Variants in SLC23A3 observed in about 807,000 individuals in gnomAD.
The protein encoded by SLC23A3 is E2-binding protein 3.
A neutral mutation model predicts 64.7 loss-of-function variants in SLC23A3; 41 were observed. That is an observed-to-expected ratio of 0.63 (90% CI 0.49 to 0.82). The LOEUF is 0.82. Ranked by LOEUF, SLC23A3 falls within the 40% of genes least tolerant of loss-of-function variation. The pLI is 0.00. For missense variants in SLC23A3, 647 were observed against 733.4 expected (o/e 0.88, Z 1.36); for synonymous variants, 281 against 306.8 (o/e 0.92, Z 0.88).
In SLC23A3 at chr2:219,167,994, G is replaced by T. The variant is rs1574761231; in HGVS notation, c.849C>A (p.Phe283Leu). ...CAGACAGTTCCTGGGGGATAACACT[G>T]AATCCCACAAAGGCAGAAACAATCC... Reference protein sequence around the residue: ...CVWIVSAFVGFSVIPQELSAP... With the variant: ...CVWIVSAFVGLSVIPQELSAP... The change falls in exon 7 of 12, where the codon TTC (phenylalanine) becomes TTA (leucine). Residue 283 changes from phenylalanine to leucine, a missense_variant. Phe to Leu is a conservative substitution (Grantham distance 22). Coordinates refer to ENST00000409878, the MANE Select transcript of SLC23A3 (RefSeq NM_001144889.2). The T allele has an allele frequency of 6.3e-7, 1 of 1,590,464 alleles. No homozygotes were observed. The highest frequency in any genetic ancestry group is 8.5e-7 in the Non-Finnish European group (1 of 1,173,762).
At chr2:219,163,120 A>C (rs576280250) in intron 10 of SLC23A3, among the ~76,000 whole-genome samples, 5 of 152,376 alleles carry the variant, frequency 3.3e-5, no homozygotes, top group Admixed American at 2.0e-4. Context: ...AACAGAAGCT[A>C]TCTCTCTTGC....
Position 219,164,354 on chromosome 2 carries a change from A to G in SLC23A3, c.1168-16T>C. On this transcript the variant is annotated splice_polypyrimidine_tract_variant and intron_variant, in intron 8 of 11. Coordinates refer to ENST00000409878, the MANE Select transcript of SLC23A3 (RefSeq NM_001144889.2). ...GAGATCCAGCCTGCATGAAGAAAAG[A>G]CACTGGAAAACACAGCCACTTCCTC... is the stretch of plus-strand genomic sequence containing the variant. 6.6e-7 allele frequency: 1 copy of G among 1,516,000 alleles called. No homozygotes were observed. The highest frequency in any genetic ancestry group is 9.0e-7 in the Non-Finnish European group (1 of 1,109,194). The allele number at this position is 1,516,000 out of a possible 1,614,324, so 93.9% of individuals were successfully genotyped here. A position where few individuals can be genotyped will look rare whatever the true frequency, so the allele number is the denominator to read the frequency against.
rs1559207825 is a variant in SLC23A3 at position 219,162,406 on chromosome 2, T to TG, written c.1442-13dup. 1.2e-6 allele frequency: 2 copies of TG among 1,607,154 alleles called. No homozygotes were observed. Among genetic ancestry groups the TG allele is most frequent in the Non-Finnish European group, 8.5e-7 (1 of 1,174,432 alleles). Reference sequence around the variant, plus strand: ...CAAGGGGCTCCAGCCTATGAAGAGTTGGGGCCAGGCAGGAAGGGAACTCTG... The same window carrying TG: ...CAAGGGGCTCCAGCCTATGAAGAGTTGGGGGCCAGGCAGGAAGGGAACTCTG... On this transcript the variant is annotated splice_polypyrimidine_tract_variant and intron_variant, in intron 10 of 11. Coordinates refer to ENST00000409878, the MANE Select transcript of SLC23A3 (RefSeq NM_001144889.2).
rs184766664 is a variant in SLC23A3, at chr2:219,163,693, T to G, written c.1274-138A>C. Reference sequence around the variant, plus strand: ...ATGATTTTTGTTTTTTTTGTTTTTTTGTTTTTTTGGTTTTTTTTTGAGAGC... The same window carrying G: ...ATGATTTTTGTTTTTTTTGTTTTTTGGTTTTTTTGGTTTTTTTTTGAGAGC... On this transcript the variant is annotated intron_variant, in intron 9 of 11. Transcript: ENST00000409878. 3.3e-4 allele frequency: 317 copies of G among 954,108 alleles called. No individual in the cohort carries two copies. The African/African-American group carries it at 4.7e-3, about 14-fold the overall frequency. 59.1% of individuals were successfully genotyped at this position (954,108 alleles called of 1,614,324 possible). A position where few individuals can be genotyped will look rare whatever the true frequency, so the allele number is the denominator to read the frequency against.
In SLC23A3 at chr2:219,165,257, C is replaced by T. The variant is rs990797551; in HGVS notation, c.1079G>A (p.Gly360Glu). 6.4e-7 allele frequency: 1 copy of T among 1,551,660 alleles called. No homozygotes were observed. Among genetic ancestry groups the T allele is most frequent in the Non-Finnish European group, 8.7e-7 (1 of 1,147,022 alleles). The change falls in exon 8 of 12, where the codon GGG becomes GAG. Residue 360 changes from glycine (G) to glutamate (E), a missense_variant. By Grantham distance (98) the Gly-to-Glu change is moderately conservative (BLOSUM62 -2). Coordinates refer to ENST00000409878, the MANE Select transcript of SLC23A3 (RefSeq NM_001144889.2). ...CAGCCCGGCCAGCACACTGCCCAGC[C>T]CCTCCAGGCTCAGCCCTCGACTGCA... Reference protein sequence around the residue: ...HACSRGLSLEGLGSVLAGLLG... With the variant: ...HACSRGLSLEELGSVLAGLLG...
intron 9 of SLC23A3, among the ~76,000 whole-genome samples, chr2:219,163,994 G>A (rs1262805544): frequency 2.0e-5 from 3 of 152,184 alleles, no homozygotes; most frequent in African/African-American, 7.2e-5. Context: ...GGGCCACCAC[G>A]CCCAGCCTGA....
intron 7 of SLC23A3, among the ~76,000 whole-genome samples, chr2:219,166,402 G>T (rs530584520): frequency 1.3e-5 from 2 of 152,178 alleles, no homozygotes; most frequent in South Asian, 4.2e-4. Flanking sequence ...TCACTATGTT[G>T]CCCAGGCTGG....
rs369924092 is a variant in SLC23A3, at chr2:219,164,236, C to A, written c.1270G>T (p.Val424Phe). ...CCCTGTTGATACATCCACTCACCAA[C>A]AACAGGCAGTGGGATGGTGGTGAGG... ...QLLTTIPLPV[V>F]GGVLGVTQAV... Residue 424 changes from valine (V) to phenylalanine (F), a missense_variant, in exon 9 of 12, where the codon GTT becomes TTT. Transcript: ENST00000409878. 8 of 1,605,256 alleles carry A rather than the reference C, an allele frequency of 5.0e-6. No individual in the cohort carries two copies. Among genetic ancestry groups the A allele is most frequent in the Middle Eastern group, 1.7e-4 (1 of 6,058 alleles).
Position 219,165,390 on chromosome 2 carries a change from C to T in SLC23A3, c.946G>A (p.Ala316Thr), listed in dbSNP as rs755342524. The change falls in exon 8 of 12, where the codon GCT becomes ACT. Residue 316 changes from alanine (A) to threonine (T), a missense_variant. Transcript: ENST00000409878. ...EWNWPLLTPR[A>T]LAAGISMALA... The stretch of plus-strand genomic sequence containing the variant: ...GCCATGGAGATGCCTGCAGCCAGAG[C>T]TCTGGGCGTCAGCAAAGGCCAATTC... The T allele has an allele frequency of 1.3e-6, 2 of 1,550,958 alleles. No homozygotes were observed. Among genetic ancestry groups the T allele is most frequent in the South Asian group, 2.4e-5 (2 of 84,014 alleles).
In SLC23A3 at chr2:219,161,851, ACT is replaced by A; in HGVS notation, c.*56_*57del. The A allele has an allele frequency of 3.3e-6, 5 of 1,496,632 alleles. No individual in the cohort carries two copies. Among genetic ancestry groups the A allele is most frequent in the Non-Finnish European group, 4.5e-6 (5 of 1,116,468 alleles). 92.7% of individuals were successfully genotyped at this position (1,496,632 alleles called of 1,614,324 possible). A position where few individuals can be genotyped will look rare whatever the true frequency, so the allele number is the denominator to read the frequency against. On this transcript the variant is annotated 3_prime_UTR_variant, in exon 12 of 12. Transcript: ENST00000409878. ...ACAAGAAAGAACAGTTTGGGAGCTG[ACT>A]CTCCAGCAGATGAGAGTTAGGGCTA... is the stretch of plus-strand genomic sequence containing the variant.
intron 7 of SLC23A3, among the ~76,000 whole-genome samples, chr2:219,165,660 C>G (rs1452047824): frequency 6.6e-6 from 1 of 152,250 alleles, no homozygotes; most frequent in Non-Finnish European, 1.5e-5. Flanking sequence ...CTCTGCCTCA[C>G]TTCCTTCATT....
At chr2:219,162,753 G>A (rs1949961738) in intron 10 of SLC23A3, among the ~76,000 whole-genome samples, 1 of 152,034 alleles carries the variant, frequency 6.6e-6, no homozygotes, top group South Asian at 2.1e-4. Context: ...TGACATCTTG[G>A]ACCAGATAAT....
Position 219,161,648 on chromosome 2 carries a change from G to T in SLC23A3, c.*261C>A, listed in dbSNP as rs78632920. 0.066 allele frequency: 23,314 copies of T among 354,840 alleles called. 1,029 individuals carry two copies. Among genetic ancestry groups the T allele is most frequent in the Non-Finnish European group, 0.087 (16,990 of 195,924 alleles). The allele number at this position is 354,840 out of a possible 1,614,324, so 22.0% of individuals were successfully genotyped here. On this transcript the variant is annotated 3_prime_UTR_variant, in exon 12 of 12. Coordinates refer to ENST00000409878, the MANE Select transcript of SLC23A3 (RefSeq NM_001144889.2). ...TCAGTAAGTATTAAAGTGAATGCTGGGGTTCAAGTGGCATTGATAGTACAC... is the reference window on the plus strand; with the variant it reads ...TCAGTAAGTATTAAAGTGAATGCTGTGGTTCAAGTGGCATTGATAGTACAC...
In SLC23A3 at chr2:219,168,580, A is replaced by T. The variant is rs1314822760; in HGVS notation, c.674+72T>A. On this transcript the variant is annotated intron_variant, in intron 5 of 11. Coordinates refer to ENST00000409878, the MANE Select transcript of SLC23A3 (RefSeq NM_001144889.2). ...CGCTGCTGAATCTGATAGGACCAGCAGTTCTGCCCTCCCCTAGTCCCCCCA... is the reference window on the plus strand; with the variant it reads ...CGCTGCTGAATCTGATAGGACCAGCTGTTCTGCCCTCCCCTAGTCCCCCCA... 4.9e-6 allele frequency: 7 copies of T among 1,437,048 alleles called. No individual in the cohort carries two copies. The East Asian group carries it at 1.7e-4, about 34-fold the overall frequency. 89.0% of individuals were successfully genotyped at this position (1,437,048 alleles called of 1,614,324 possible).
chr2:219,164,555 CT>C (rs919307829), intron 8 of SLC23A3: 7 of 486,714 alleles, frequency 1.4e-5, no homozygotes, highest in Admixed American at 1.2e-4. Context: ...CTTCACTTTT[CT>C]TTTTTTAATT....
intron 5 of SLC23A3, 107 bp downstream of exon 5, chr2:219,168,545 C>A: frequency 8.2e-7 from 1 of 1,212,446 alleles, no homozygotes; most frequent in Non-Finnish European, 1.1e-6. Flanking sequence ...AAATATGTCC[C>A]TATTCCAGTC....
Position 219,169,675 on chromosome 2 carries a change from C to G in SLC23A3, c.166G>C (p.Val56Leu). ...GLSCLLALQH[V>L]LVMASLLCVS... ...CAGAGCAGAGAAGCCATGACCAAGA[C>G]ATGCTGCAGGTGGAGGAATGGGGAG... The change falls in exon 2 of 12, where the codon GTC becomes CTC. Residue 56 changes from valine (V) to leucine (L), a missense_variant. Transcript: ENST00000409878. The surrounding 1 kb of genome is among the most constrained non-coding windows in gnomAD (Gnocchi z 4.5). 6.2e-7 allele frequency: 1 copy of G among 1,614,060 alleles called. No individual in the cohort carries two copies. The highest frequency in any genetic ancestry group is 8.5e-7 in the Non-Finnish European group (1 of 1,179,972).
At chr2:219,162,469 C>T in intron 10 of SLC23A3, 75 bp from the exon 11 acceptor site, 1 of 1,048,296 alleles carries the variant, frequency 9.5e-7, no homozygotes, top group South Asian at 1.3e-5. Context: ...CCCTCCCAGA[C>T]CTAAACCTAA....
Position 219,161,860 on chromosome 2 carries a change from C to G in SLC23A3, c.*49G>C, listed in dbSNP as rs760264763. The G allele has an allele frequency of 1.3e-6, 2 of 1,497,054 alleles. No homozygotes were observed. The highest frequency in any genetic ancestry group is 1.8e-6 in the Non-Finnish European group (2 of 1,116,044). 92.7% of individuals were successfully genotyped at this position (1,497,054 alleles called of 1,614,324 possible). On this transcript the variant is annotated 3_prime_UTR_variant, in exon 12 of 12. Coordinates refer to ENST00000409878, the MANE Select transcript of SLC23A3 (RefSeq NM_001144889.2). Reference sequence around the variant, plus strand: ...AACAGTTTGGGAGCTGACTCTCCAGCAGATGAGAGTTAGGGCTAAATTAAC... The same window carrying G: ...AACAGTTTGGGAGCTGACTCTCCAGGAGATGAGAGTTAGGGCTAAATTAAC...
Sources: gnomAD v4.1 joint callset for allele counts (sites outside exome capture counted in the v4.1 genomes callset) on GRCh38, gnomAD v4.1.1 for gene constraint, Gnocchi (gnomAD v3.1) non-coding constraint, MANE v1.5 for transcripts, NCBI Gene and HGNC (gene_info 2026-07-23, HGNC 2026-07-21) for gene names.